The following CTNND1 variants were observed in gnomAD, a reference collection of about 807,000 sequenced individuals.
The protein encoded by CTNND1 is catenin delta 1.
In CTNND1, 16 loss-of-function variants were observed where a neutral mutation model predicts 112.1. The observed-to-expected ratio is 0.14, with a 90% CI of 0.10 to 0.22. The LOEUF (loss-of-function observed/expected upper bound fraction) is 0.22. CTNND1 is among the 10% of genes least tolerant of loss of function. CTNND1 has a pLI of 1.00. For missense variants in CTNND1, 1,008 were observed against 1,257.0 expected (o/e 0.80, Z 3.00); for synonymous variants, 420 against 446.5 (o/e 0.94, Z 0.75).
chr11:57,812,974 G>T (rs1218856699), intron 17 of CTNND1, among the ~76,000 whole-genome samples: 1 of 152,188 alleles, frequency 6.6e-6, no homozygotes, highest in Non-Finnish European at 1.5e-5. Context: ...CTTTCAAGTG[G>T]AAATTGTAGT....
chr11:57,784,224 G>A (rs757970801), intron 1 of CTNND1, among the ~76,000 whole-genome samples: 1 of 150,412 alleles, frequency 6.6e-6, no homozygotes, highest in Non-Finnish European at 1.5e-5. Context: ...GCCCAGCCCA[G>A]TGTGCTTTTG....
intron 3 of CTNND1, 56 bp downstream of exon 3, chr11:57,791,729 G>T: frequency 6.9e-7 from 1 of 1,452,982 alleles, no homozygotes; most frequent in East Asian, 2.6e-5. Context: ...TCACAGAGAG[G>T]CTATGATCCT....
rs1412250257 is a variant in CTNND1 at position 57,818,947 on chromosome 11, G to A, written c.*2639G>A. On this transcript the variant is annotated 3_prime_UTR_variant, in exon 21 of 21. Transcript: ENST00000399050. ...CATAATGTTGCTTCTCAGGCTATAT[G>A]CAGTCCTTTAGTCAGAAGTCAATAG... 6.6e-6 allele frequency: 1 copy of A among 152,162 alleles called. No individual in the cohort carries two copies. The highest frequency in any genetic ancestry group is 1.5e-5 in the Non-Finnish European group (1 of 68,026). 9.4% of individuals were successfully genotyped at this position (152,162 alleles called of 1,614,324 possible). A position where few individuals can be genotyped will look rare whatever the true frequency, so the allele number is the denominator to read the frequency against.
intron 1 of CTNND1, among the ~76,000 whole-genome samples, chr11:57,775,561 G>T (rs928011404): frequency 3.9e-5 from 6 of 152,300 alleles, no homozygotes. Flanking sequence ...GAAAACTTTA[G>T]ACTGTATCTG....
rs767138391 is a variant in CTNND1, at chr11:57,802,068, C to T, written c.1292C>T (p.Ala431Val). 1.2e-6 allele frequency: 2 copies of T among 1,614,002 alleles called. No homozygotes were observed. The highest frequency in any genetic ancestry group is 3.3e-5 in the Admixed American group (2 of 60,018). Residue 431 changes from alanine to valine, a missense_variant, in exon 7 of 21, where the codon GCT becomes GTT. By Grantham distance (64) the Ala-to-Val change is moderately conservative (BLOSUM62 0). Transcript: ENST00000399050. ...KKEVHLGACG[A>V]LKNISFGRDQ... The stretch of plus-strand genomic sequence containing the variant: ...GAAGTGCACCTTGGAGCCTGTGGAG[C>T]TCTCAAGAATATCTCTTTTGGACGT...
At chr11:57,782,728 T>C (rs963833600) in intron 1 of CTNND1, among the ~76,000 whole-genome samples, 1 of 152,340 alleles carries the variant, frequency 6.6e-6, no homozygotes, top group South Asian at 2.1e-4. Flanking sequence ...TTGCCTAGGC[T>C]AAACTTGATT....
intron 6 of CTNND1, among the ~76,000 whole-genome samples, chr11:57,800,612 A>C (rs952328084): frequency 7.2e-5 from 11 of 152,136 alleles, no homozygotes; most frequent in Non-Finnish European, 1.2e-4. Flanking sequence ...TGGTTTACTA[A>C]ATGCTTTGTC....
intron 1 of CTNND1, among the ~76,000 whole-genome samples, chr11:57,786,289 T>A (rs1172229907): frequency 6.6e-6 from 1 of 151,214 alleles, no homozygotes; most frequent in Non-Finnish European, 1.5e-5. Context: ...ATCCCAGCAC[T>A]ATGGGAGGCT....
intron 17 of CTNND1, among the ~76,000 whole-genome samples, chr11:57,811,854 C>G (rs2063400996): frequency 6.6e-6 from 1 of 152,086 alleles, no homozygotes; most frequent in Non-Finnish European, 1.5e-5. Flanking sequence ...CAAAAAATCA[C>G]TTGTTTCTTT....
chr11:57,816,217 AG>A, intron 20 of CTNND1, 79 bp from the exon 21 acceptor site: 1 of 1,544,234 alleles, frequency 6.5e-7, no homozygotes, highest in Admixed American at 1.7e-5. Flanking sequence ...TCCTTTCTCC[AG>A]ATTTGCTCAA....
In CTNND1 at chr11:57,809,345, G is replaced by A; in HGVS notation, c.2314G>A (p.Glu772Lys). The A allele has an allele frequency of 6.2e-7, 1 of 1,613,998 alleles. No individual in the cohort carries two copies. The highest frequency in any genetic ancestry group is 2.2e-5 in the East Asian group (1 of 44,882). Reference sequence around the variant, plus strand: ...GCAGAACTCCTCTTGGAATTTCTCTGAGGACACTGTCATCTCTATTTTGAA... The same window carrying A: ...GCAGAACTCCTCTTGGAATTTCTCTAAGGACACTGTCATCTCTATTTTGAA... ...GQQNSSWNFS[E>K]DTVISILNTI... Residue 772 changes from glutamate to lysine, a missense_variant, in exon 15 of 21, where the codon GAG (glutamate) becomes AAG (lysine). Glu to Lys is a moderately conservative substitution (Grantham distance 56, BLOSUM62 1). Transcript: ENST00000399050.
At chr11:57,786,977 C>T (rs1224443448) in intron 1 of CTNND1, among the ~76,000 whole-genome samples, 2 of 152,170 alleles carry the variant, frequency 1.3e-5, no homozygotes, top group African/African-American at 4.8e-5. Context: ...AAAGAGAACA[C>T]AGGCTTTGGA....
chr11:57,790,017 C>A (rs1014719651), intron 2 of CTNND1, among the ~76,000 whole-genome samples: 2 of 152,102 alleles, frequency 1.3e-5, no homozygotes, highest in Non-Finnish European at 2.9e-5. Context: ...CACGTTTTGC[C>A]ATCAATATAA....
chr11:57,808,106 T>G, intron 12 of CTNND1, 59 bp from the exon 13 acceptor site: 1 of 1,555,026 alleles, frequency 6.4e-7, no homozygotes, highest in Non-Finnish European at 8.8e-7. Context: ...TCCAGCCAGC[T>G]AGAGCCTGGT....
At chr11:57,773,472 C>T (rs543448857) in intron 1 of CTNND1, among the ~76,000 whole-genome samples, 6 of 145,462 alleles carry the variant, frequency 4.1e-5, no homozygotes, top group East Asian at 2.0e-4. Context: ...TTTTTTGAGA[C>T]GGAGTTTAAG....
rs758501334 is a variant in CTNND1 at position 57,796,679 on chromosome 11, C to A, written c.643C>A (p.Arg215Ser). Residue 215 changes from arginine to serine, a missense_variant, in exon 6 of 21, where the codon CGC becomes AGC. By Grantham distance (110) the Arg-to-Ser change is moderately radical. Coordinates refer to ENST00000399050, the MANE Select transcript of CTNND1 (RefSeq NM_001085458.2). Reference protein sequence around the residue: ...NFHYPPDGYSRHYEDGYPGGS... With the variant: ...NFHYPPDGYSSHYEDGYPGGS... ...CCACTACCCTCCTGATGGTTATAGTCGCCACTATGAAGATGGTTATCCAGG... is the reference window on the plus strand; with the variant it reads ...CCACTACCCTCCTGATGGTTATAGTAGCCACTATGAAGATGGTTATCCAGG... The A allele has an allele frequency of 3.7e-6, 6 of 1,613,868 alleles. No individual in the cohort carries two copies. Among genetic ancestry groups the A allele is most frequent in the Admixed American group, 1.7e-5 (1 of 60,004 alleles).
intron 5 of CTNND1, 150 bp downstream of exon 5, chr11:57,795,879 G>A: frequency 1.2e-6 from 1 of 866,352 alleles, no homozygotes; most frequent in Non-Finnish European, 1.7e-6. Flanking sequence ...TAGAAAGGAT[G>A]AAGAGATGGG....
chr11:57,765,668 A>G lies in CTNND1; in HGVS notation c.-214+3549A>G, dbSNP rs80286487. ...ATTTTTGTGGAGATGGGGTCTCTCTATGTAGTCCAGGCTGGTCTCAAACAC... is the reference window on the plus strand; with the variant it reads ...ATTTTTGTGGAGATGGGGTCTCTCTGTGTAGTCCAGGCTGGTCTCAAACAC... On this transcript the variant is annotated intron_variant, in intron 1 of 20. Transcript: ENST00000399050. Among the ~76,000 whole-genome samples, 1,073 of 151,880 alleles carry G rather than the reference A, an allele frequency of 7.1e-3. 8 individuals carry two copies. The highest frequency in any genetic ancestry group is 0.01 in the Non-Finnish European group (692 of 67,940).
Position 57,806,916 on chromosome 11 carries a change from G to C in CTNND1, c.1896G>C (p.Gly632=), listed in dbSNP as rs1565365395. ...KKGKDEWFSR[G]KKPIEDPAND... ...TCCCGCCCTTTTTCATTTTTGTAGG[G>C]AAAAAACCTATAGAGGATCCAGCAA... Residue 632 remains glycine (G), a splice_region_variant and synonymous_variant, in exon 12 of 21, where the codon GGG becomes GGC. Transcript: ENST00000399050. 1 of 1,594,404 alleles carries C rather than the reference G, an allele frequency of 6.3e-7. No homozygotes were observed. The highest frequency in any genetic ancestry group is 8.5e-7 in the Non-Finnish European group (1 of 1,170,104).
Sources: gnomAD v4.1 joint callset for allele counts (sites outside exome capture counted in the v4.1 genomes callset) on GRCh38, gnomAD v4.1.1 for gene constraint, MANE v1.5 for transcripts, NCBI Gene and HGNC (gene_info 2026-07-23, HGNC 2026-07-21) for gene names.